ABCA8: variants seen among roughly 807,000 people sequenced by gnomAD.
The protein encoded by ABCA8 is ABC-type organic anion transporter ABCA8.
ABCA8 carries 177 observed loss-of-function variants against 192.3 expected under a neutral mutation model. The observed-to-expected ratio is 0.92, with a 90% CI of 0.81 to 1.04. The LOEUF (loss-of-function observed/expected upper bound fraction) is 1.04, where lower values mean the gene tolerates loss of function less well. Among genes scored for constraint, ABCA8 ranks in the 50% least tolerant of loss-of-function variants. The pLI is 0.00. For missense variants in ABCA8, 1,915 were observed against 1,904.8 expected (o/e 1.01, Z -0.10); for synonymous variants, 642 against 690.2 (o/e 0.93, Z 1.09).
intron 2 of ABCA8, 41 bp from the exon 3 acceptor site, chr17:68,942,080 G>T: frequency 6.9e-7 from 1 of 1,452,646 alleles, no homozygotes; most frequent in Non-Finnish European, 9.5e-7. Flanking sequence ...TTAATATGAA[G>T]TTCTTAAGAA....
At chr17:68,928,243 C>T (rs1353546405) in intron 9 of ABCA8, among the ~76,000 whole-genome samples, 180 bp from the exon 10 acceptor site, 1 of 152,104 alleles carries the variant, frequency 6.6e-6, no homozygotes, top group Non-Finnish European at 1.5e-5. Context: ...GACATATGAG[C>T]AACTAGAATG....
chr17:68,924,042 A>G (rs900731146), intron 11 of ABCA8, among the ~76,000 whole-genome samples: 1 of 152,174 alleles, frequency 6.6e-6, no homozygotes, highest in Non-Finnish European at 1.5e-5. Context: ...GACAAAAAAT[A>G]GAAGAAAAAT....
At chr17:68,906,393 T>C (rs912814000) in intron 18 of ABCA8, among the ~76,000 whole-genome samples, 2 of 152,174 alleles carry the variant, frequency 1.3e-5, no homozygotes, top group Non-Finnish European at 2.9e-5. Flanking sequence ...CATTAATTTA[T>C]ATTCATTTGC....
chr17:68,944,318 ATATATATATATATATATATATATATATAT>A (rs2068323338), intron 2 of ABCA8, among the ~76,000 whole-genome samples: 70 of 55,064 alleles, frequency 1.3e-3, no homozygotes, highest in African/African-American at 3.9e-3. Context: ...ACTTAAAGTT[ATATATATATATATATATATATATATATAT>A]ATATATATAT....
Position 68,902,788 on chromosome 17 carries a change from G to A in ABCA8, c.2689C>T (p.Pro897Ser). The change falls in exon 21 of 40, where the codon CCT becomes TCT. Residue 897 changes from proline to serine, a missense_variant. By Grantham distance (74) the Pro-to-Ser change is moderately conservative. Transcript: ENST00000586539. Reference protein sequence around the residue: ...YQNSYTWELSPHLYFLAPGQQ... With the variant: ...YQNSYTWELSSHLYFLAPGQQ... ...CCAGGAGCAAGGAAATACAAATGAGGAGAAAGTTCCCAGGTGTAACTGTTT... is the reference window on the plus strand; with the variant it reads ...CCAGGAGCAAGGAAATACAAATGAGAAGAAAGTTCCCAGGTGTAACTGTTT... 2 of 1,613,720 alleles carry A rather than the reference G, an allele frequency of 1.2e-6. No homozygotes were observed. The highest frequency in any genetic ancestry group is 1.7e-6 in the Non-Finnish European group (2 of 1,179,728).
intron 21 of ABCA8, among the ~76,000 whole-genome samples, chr17:68,900,541 A>C (rs2066881044): frequency 2.1e-5 from 1 of 48,150 alleles, no homozygotes; most frequent in African/African-American, 6.3e-5. Context: ...AAAGTCTCAA[A>C]AAAAAAAAAA....
intron 18 of ABCA8, among the ~76,000 whole-genome samples, chr17:68,906,451 T>C (rs1388949963): frequency 1.3e-5 from 2 of 152,176 alleles, no homozygotes; most frequent in African/African-American, 2.4e-5. Context: ...CCTTTTAAAA[T>C]TTAATTAATT....
At chr17:68,952,473 G>A (rs2068595052) in intron 1 of ABCA8, among the ~76,000 whole-genome samples, 2 of 152,126 alleles carry the variant, frequency 1.3e-5, no homozygotes, top group Non-Finnish European at 2.9e-5. Flanking sequence ...CTGTTGTTGT[G>A]TAGAAATGTG....
chr17:68,921,577 C>G lies in ABCA8; in HGVS notation c.1502-85G>C, dbSNP rs933686235. 3.4e-5 allele frequency: 25 copies of G among 731,276 alleles called. No homozygotes were observed. The African/African-American group carries it at 4.0e-4, about 12-fold the overall frequency. The allele number at this position is 731,276 out of a possible 1,614,324, so 45.3% of individuals were successfully genotyped here. A position where few individuals can be genotyped will look rare whatever the true frequency, so the allele number is the denominator to read the frequency against. Reference sequence around the variant, plus strand: ...CCACAAAAAATATTCCATTATGGAGCCAATGAATTGTTATTAATTCTCTTG... The same window carrying G: ...CCACAAAAAATATTCCATTATGGAGGCAATGAATTGTTATTAATTCTCTTG... On this transcript the variant is annotated intron_variant, in intron 12 of 39. Coordinates refer to ENST00000586539, the MANE Select transcript of ABCA8 (RefSeq NM_001288985.2).
intron 21 of ABCA8, among the ~76,000 whole-genome samples, chr17:68,895,907 C>T (rs773105825): frequency 6.6e-6 from 1 of 152,082 alleles, no homozygotes; most frequent in Non-Finnish European, 1.5e-5. Context: ...CATCCTTGTC[C>T]CATCTCACGT....
At chr17:68,932,688 T>TC (rs1418824526) in intron 6 of ABCA8, among the ~76,000 whole-genome samples, 174 bp from the exon 7 acceptor site, 2 of 152,204 alleles carry the variant, frequency 1.3e-5, no homozygotes, top group African/African-American at 4.8e-5. Context: ...GTCCAGGCAT[T>TC]TTGAGTTACT....
chr17:68,887,912 A>AT (rs1384202888), intron 24 of ABCA8, among the ~76,000 whole-genome samples: 1 of 19,766 alleles, frequency 5.1e-5, no homozygotes, highest in South Asian at 2.5e-3. Context: ...ATATATCCAT[A>AT]TATATATATA....
At position 68,929,661 on chromosome 17, in the gene ABCA8, A is replaced by G. The variant is rs1444942831; in HGVS notation, c.839T>C (p.Met280Thr). The change falls in exon 8 of 40, where the codon ATG becomes ACG. Residue 280 changes from methionine (M) to threonine (T), a missense_variant. Coordinates refer to ENST00000586539, the MANE Select transcript of ABCA8 (RefSeq NM_001288985.2). ...GLLYAGFIFIMALFLALVIRS... is the reference protein window; with the variant it reads ...GLLYAGFIFITALFLALVIRS... The stretch of plus-strand genomic sequence containing the variant: ...TATAACAAGTGCCAAGAAAAGGGCC[A>G]TAATGAAGATGAAACCAGCATAGAG... 2 of 1,613,738 alleles carry G rather than the reference A, an allele frequency of 1.2e-6. No homozygotes were observed.
chr17:68,869,494 G>GA (rs138694787), intron 38 of ABCA8, among the ~76,000 whole-genome samples: 2,378 of 152,108 alleles, frequency 0.016, 68 homozygotes, highest in African/African-American at 0.052. Context: ...AAGCAAAAGT[G>GA]AAAAAAATCA....
chr17:68,925,349 A>T (rs1259709366), intron 10 of ABCA8, among the ~76,000 whole-genome samples: 1 of 152,218 alleles, frequency 6.6e-6, no homozygotes, highest in Non-Finnish European at 1.5e-5. Flanking sequence ...TAAAATAATT[A>T]ATTGAAACTT....
In ABCA8 at chr17:68,937,069, G is replaced by A; in HGVS notation, c.348C>T (p.Phe116=). Residue 116 remains phenylalanine (F), a synonymous_variant, in exon 5 of 40, where the codon TTC becomes TTT. Transcript: ENST00000586539. ...CTATTTCTTCAGGATAATTTGCTGT[G>A]AATTCTTTAATACTTTCCTCATCTG... ...GLPDEESIKE[F]TANYPEEIVR... 6.2e-7 allele frequency: 1 copy of A among 1,610,032 alleles called. No individual in the cohort carries two copies.
intron 17 of ABCA8, among the ~76,000 whole-genome samples, chr17:68,908,513 T>C (rs2067150264): frequency 6.6e-6 from 1 of 152,200 alleles, no homozygotes; most frequent in African/African-American, 2.4e-5. Context: ...GACAACCAGA[T>C]GAGTAAAATA....
Position 68,919,289 on chromosome 17 carries a change from A to T in ABCA8, c.1788+12T>A. ...TTTTGACCAACACATTAACTTTAAC[A>T]TATTTTTGTACCTCTTTATCCACTT... On this transcript the variant is annotated intron_variant, in intron 14 of 39. Coordinates refer to ENST00000586539, the MANE Select transcript of ABCA8 (RefSeq NM_001288985.2). 3 of 1,588,108 alleles carry T rather than the reference A, an allele frequency of 1.9e-6. No individual in the cohort carries two copies. The highest frequency in any genetic ancestry group is 2.6e-6 in the Non-Finnish European group (3 of 1,165,568).
chr17:68,887,925 TTATATATGG>T (rs2066525930), intron 24 of ABCA8, among the ~76,000 whole-genome samples: 3 of 101,018 alleles, frequency 3.0e-5, no homozygotes, highest in South Asian at 6.3e-4. Flanking sequence ...TATATATATA[TTATATATGG>T]ATATATATAT....
Sources: gnomAD v4.1 joint callset for allele counts (sites outside exome capture counted in the v4.1 genomes callset) on GRCh38, gnomAD v4.1.1 for gene constraint, MANE v1.5 for transcripts, NCBI Gene and HGNC (gene_info 2026-07-23, HGNC 2026-07-21) for gene names.